The following RDX variants were observed in gnomAD, a reference collection of about 807,000 sequenced individuals.
The protein encoded by RDX is radixin.
Under a neutral mutation model 83.7 loss-of-function variants are expected in RDX, and 32 were observed. That is an observed-to-expected ratio of 0.38 (90% confidence interval 0.29 to 0.51). The LOEUF is 0.51. Ranked by LOEUF, RDX falls within the 20% of genes least tolerant of loss-of-function variation. The pLI, the probability that RDX is intolerant of heterozygous loss-of-function variation, is 0.87. For synonymous variants in RDX, 229 were observed against 222.7 expected (o/e 1.03, Z -0.25); for missense variants, 600 against 689.9 (o/e 0.87, Z 1.46).
In RDX at chr11:110,266,896, GTTT is replaced by G. The variant is rs569357436; in HGVS notation, c.97-2025_97-2023del. Among the ~76,000 whole-genome samples the G allele has an allele frequency of 6.8e-3, 300 of 44,192 alleles. 1 individual carries two copies. The highest frequency in any genetic ancestry group is 0.043 in the African/African-American group (289 of 6,698). The allele number at this position is 44,192 out of a possible 152,430, so 29.0% of individuals were successfully genotyped here. On this transcript the variant is annotated intron_variant, in intron 3 of 13. Transcript: ENST00000645495. ...AGCCACTGCGCTTGGCCCTTGGTTT[GTTT>G]GTTTGTTTGTTTGTTTTGAGACGGG...
intron 15 of RDX, among the ~76,000 whole-genome samples, chr11:110,193,609 A>T (rs535137435): frequency 2.4e-4 from 37 of 152,328 alleles, no homozygotes; most frequent in Non-Finnish European, 5.0e-4. Context: ...CCTCTTTAAC[A>T]TGAAAATTAT....
intron 14 of RDX, among the ~76,000 whole-genome samples, chr11:110,216,018 C>T (rs893715070): frequency 1.3e-5 from 2 of 152,182 alleles, no homozygotes; most frequent in African/African-American, 4.8e-5. Context: ...CCTCAAACTT[C>T]TCTTGAATTT....
chr11:110,287,754 C>T (rs1240480574), intron 1 of RDX, among the ~76,000 whole-genome samples: 1 of 152,146 alleles, frequency 6.6e-6, no homozygotes, highest in African/African-American at 2.4e-5. Flanking sequence ...CAATAACTGC[C>T]CTCCCCCTTC....
intron 15 of RDX, among the ~76,000 whole-genome samples, chr11:110,182,597 T>C (rs1227600618): frequency 1.4e-5 from 2 of 146,050 alleles, no homozygotes; most frequent in East Asian, 3.9e-4. Context: ...CCAGCCCCTG[T>C]CTCAAACAAC....
intron 2 of RDX, among the ~76,000 whole-genome samples, chr11:110,277,792 A>G (rs2134417755): frequency 6.6e-6 from 1 of 152,174 alleles, no homozygotes; most frequent in East Asian, 1.9e-4. Context: ...TTTCAAGAGC[A>G]AAAGTTTTTA....
At chr11:110,211,831 A>G (rs1422246099) in intron 14 of RDX, among the ~76,000 whole-genome samples, 2 of 151,956 alleles carry the variant, frequency 1.3e-5, no homozygotes, top group African/African-American at 2.4e-5. Flanking sequence ...ACGCATTCAA[A>G]GCAGTGTGTA....
chr11:110,228,188 A>C (rs932497787), downstream of RDX, among the ~76,000 whole-genome samples: 1 of 152,098 alleles, frequency 6.6e-6, no homozygotes, highest in Non-Finnish European at 1.5e-5. Context: ...GTTAATCTTT[A>C]ACATATGGAA....
rs531248014 is a variant in RDX at position 110,269,643 on chromosome 11, AG to A, written c.96+2892del. Reference sequence around the variant, plus strand: ...TTTTCGATCCTTGCATTTGAGTTCAAGGAAAGTTCATCACTGCATTTGAGTT... The same window carrying A: ...TTTTCGATCCTTGCATTTGAGTTCAAGAAAGTTCATCACTGCATTTGAGTT... On this transcript the variant is annotated intron_variant, in intron 3 of 13. Transcript: ENST00000645495. Among the ~76,000 whole-genome samples the A allele has an allele frequency of 2.5e-3, 377 of 152,344 alleles. 2 individuals are homozygous for A. Among genetic ancestry groups the A allele is most frequent in the Non-Finnish European group, 4.5e-3 (308 of 68,034 alleles).
At chr11:110,227,406 A>G (rs1864470107), downstream of RDX, among the ~76,000 whole-genome samples, 1 of 152,158 alleles carries the variant, frequency 6.6e-6, no homozygotes, top group African/African-American at 2.4e-5. Flanking sequence ...AGCAAACTAA[A>G]TGGCATGCAT....
chr11:110,277,663 A>G (rs1276955782), intron 2 of RDX, among the ~76,000 whole-genome samples: 1 of 151,834 alleles, frequency 6.6e-6, no homozygotes, highest in African/African-American at 2.4e-5. Context: ...ATCTGCTCAA[A>G]TATTTTGTCC....
chr11:110,262,926 A>T (rs984197442), intron 5 of RDX, among the ~76,000 whole-genome samples: 3 of 152,212 alleles, frequency 2.0e-5, no homozygotes, highest in Non-Finnish European at 4.4e-5. Flanking sequence ...TGTAGATAAG[A>T]ACAATGCACC....
chr11:110,224,234 C>CA (rs1490597056), intron 14 of RDX, among the ~76,000 whole-genome samples: 2 of 147,154 alleles, frequency 1.4e-5, no homozygotes, highest in African/African-American at 2.5e-5. Context: ...AAAAAAAAAA[C>CA]AAAAAAACAA....
chr11:110,196,903 C>T (rs866869201), intron 15 of RDX, among the ~76,000 whole-genome samples: 1 of 152,112 alleles, frequency 6.6e-6, no homozygotes, highest in Non-Finnish European at 1.5e-5. Flanking sequence ...TTGTTCATGG[C>T]TTATTTTATT....
chr11:110,219,194 A>G (rs1186405668), intron 14 of RDX, among the ~76,000 whole-genome samples: 2 of 152,224 alleles, frequency 1.3e-5, no homozygotes, highest in South Asian at 2.1e-4. Flanking sequence ...AATCATAACA[A>G]TATCTGGGAA....
intron 1 of RDX, among the ~76,000 whole-genome samples, chr11:110,292,044 G>C (rs1324921698): frequency 6.6e-6 from 1 of 152,126 alleles, no homozygotes; most frequent in East Asian, 1.9e-4. Context: ...TGTAATCCCA[G>C]CACACTGGGA....
chr11:110,233,199 A>G (rs10450619), intron 13 of RDX, 38 bp downstream of exon 13: 3 of 1,610,438 alleles, frequency 1.9e-6, no homozygotes, highest in South Asian at 1.1e-5. Context: ...AATGCAAACT[A>G]TATTTCAAAT....
intron 1 of RDX, among the ~76,000 whole-genome samples, chr11:110,293,200 A>C (rs367708072): frequency 5.9e-5 from 9 of 152,348 alleles, no homozygotes; most frequent in Middle Eastern, 3.4e-3. Context: ...GATATAAAGT[A>C]TATGTTTATC....
chr11:110,232,512 C>T lies in RDX; in HGVS notation c.1588-479G>A, dbSNP rs114724277. ...ATCCTCTACTTTGACCTAGTTATGTCCATGTAATATACTGACCTTTTGCCA... is the reference window on the plus strand; with the variant it reads ...ATCCTCTACTTTGACCTAGTTATGTTCATGTAATATACTGACCTTTTGCCA... On this transcript the variant is annotated intron_variant, in intron 13 of 13. Coordinates refer to ENST00000645495, the MANE Select transcript of RDX (RefSeq NM_002906.4). Among the ~76,000 whole-genome samples the T allele has an allele frequency of 6.0e-3, 919 of 152,078 alleles. 8 individuals carry two copies. The highest frequency in any genetic ancestry group is 0.021 in the African/African-American group (877 of 41,482).
intron 15 of RDX, among the ~76,000 whole-genome samples, chr11:110,177,306 C>A (rs1245477011): frequency 3.3e-5 from 5 of 152,222 alleles, no homozygotes; most frequent in African/African-American, 1.2e-4. Context: ...TAATCTGGTG[C>A]CCCCATTGCT....
Sources: allele counts gnomAD v4.1 joint callset (sites outside exome capture counted in the v4.1 genomes callset), GRCh38; gene constraint gnomAD v4.1.1; transcripts MANE v1.5; gene names NCBI Gene and HGNC (gene_info 2026-07-23, HGNC 2026-07-21).